Variants in ACOT11 observed in about 807,000 individuals in gnomAD.
ACOT11 encodes the protein acyl-coenzyme A thioesterase 11.
A neutral mutation model predicts 77.5 loss-of-function variants in ACOT11; 69 were observed. The observed-to-expected ratio is 0.89, with a 90% CI of 0.73 to 1.09. The LOEUF is 1.09. Ranked by LOEUF, ACOT11 falls within the 50% of genes least tolerant of loss-of-function variation. The pLI, the probability that ACOT11 is intolerant of heterozygous loss-of-function variation, is 0.00. For synonymous variants in ACOT11, 279 were observed against 313.0 expected (o/e 0.89, Z 1.15); for missense variants, 766 against 813.7 (o/e 0.94, Z 0.71).
exon 17 of ACOT11, chr1:54,636,752 T>C (rs1323898153): frequency 3.3e-5 from 5 of 152,556 alleles, no homozygotes; most frequent in African/African-American, 9.7e-5. Context: ...CCTTGGACAA[T>C]ACCTGGCTTT....
At chr1:54,575,156 T>C (rs1233806066) in intron 1 of ACOT11, among the ~76,000 whole-genome samples, 1 of 152,240 alleles carries the variant, frequency 6.6e-6, no homozygotes, top group Non-Finnish European at 1.5e-5. Flanking sequence ...AGGAAAGGGC[T>C]GTGCTCGAGC....
At chr1:54,617,792 C>T (rs567257621) in intron 15 of ACOT11, among the ~76,000 whole-genome samples, 7 of 137,372 alleles carry the variant, frequency 5.1e-5, no homozygotes, top group East Asian at 2.3e-4. Flanking sequence ...GGCGTGATCA[C>T]GGCTCACTGC....
At chr1:54,582,595 AG>A (rs1211623403) in intron 1 of ACOT11, 2 of 894,612 alleles carry the variant, frequency 2.2e-6, no homozygotes, top group Non-Finnish European at 2.7e-6. Context: ...GGGGTTGACC[AG>A]GTGAGAAGCA....
At position 54,601,319 on chromosome 1, in the gene ACOT11, A is replaced by G. The variant is rs1208900372; in HGVS notation, c.935A>G (p.His312Arg). 1.2e-6 allele frequency: 2 copies of G among 1,613,334 alleles called. No individual in the cohort carries two copies. The highest frequency in any genetic ancestry group is 1.7e-5 in the Admixed American group (1 of 59,996). Residue 312 changes from histidine (H) to arginine (R), a missense_variant, in exon 9 of 16, where the codon CAC (histidine) becomes CGC (arginine). Physicochemically the swap from His to Arg is conservative, Grantham distance 29. Coordinates refer to ENST00000343744, the MANE Select transcript of ACOT11 (RefSeq NM_147161.4). ...GCCTATCGCCAGGAGGCTGAGACCC[A>G]CCGGCGCCACATCAACAGTGCCTTT... Reference protein sequence around the residue: ...VEAYRQEAETHRRHINSAFMT... With the variant: ...VEAYRQEAETRRRHINSAFMT...
chr1:54,624,775 C>A (rs1191432334), intron 15 of ACOT11, among the ~76,000 whole-genome samples: 3 of 152,084 alleles, frequency 2.0e-5, no homozygotes, highest in Non-Finnish European at 2.9e-5. Flanking sequence ...GAGGTCAGAG[C>A]AGAGCCTGTT....
intron 9 of ACOT11, 49 bp from the exon 10 acceptor site, chr1:54,602,620 A>T: frequency 1.4e-6 from 2 of 1,456,092 alleles, no homozygotes; most frequent in South Asian, 2.9e-5. Flanking sequence ...GAGAGGGGGC[A>T]GGACGGAGGG....
chr1:54,588,598 A>C (rs992919572), intron 3 of ACOT11, among the ~76,000 whole-genome samples: 8 of 152,048 alleles, frequency 5.3e-5, no homozygotes, highest in African/African-American at 1.7e-4. Flanking sequence ...AGGGTAGTCA[A>C]GGGGGGACTT....
At position 54,623,862 on chromosome 1, in the gene ACOT11, C is replaced by G. The variant is rs143171049; in HGVS notation, c.1630-6872C>G. Among the ~76,000 whole-genome samples, 256 of 152,320 alleles carry G rather than the reference C, an allele frequency of 1.7e-3. 1 individual carries two copies. Among genetic ancestry groups the G allele is most frequent in the African/African-American group, 5.9e-3 (247 of 41,554 alleles). On this transcript the variant is annotated intron_variant, in intron 15 of 16. Transcript: ENST00000371316. ...TGATCCCGAACATTCTGTTCTTTCC[C>G]TTTCTAACTCCAGGCTTTCTGCCCT...
At chr1:54,581,553 A>G (rs1654307352) in intron 1 of ACOT11, among the ~76,000 whole-genome samples, 1 of 152,162 alleles carries the variant, frequency 6.6e-6, no homozygotes, top group Non-Finnish European at 1.5e-5. Context: ...CACAGAGCCC[A>G]TGGTGTGGCT....
chr1:54,596,679 T>C (rs1654910127), intron 6 of ACOT11, among the ~76,000 whole-genome samples: 2 of 152,144 alleles, frequency 1.3e-5, no homozygotes, highest in South Asian at 2.1e-4. Flanking sequence ...GTTCAAGTGA[T>C]TCTCGTGGCT....
chr1:54,611,681 G>A (rs200003486), downstream of ACOT11: 204 of 1,614,062 alleles, frequency 1.3e-4, no homozygotes, highest in East Asian at 1.4e-3. Context: ...GTGTTATCCC[G>A]GACGTAGAGC....
chr1:54,585,923 C>T lies in ACOT11; in HGVS notation c.311+19C>T. ...CCATTAGGTAAGTGGCCCCTCCTGC[C>T]TCAAGGTCCTCTGGGCTCCCTCCCA... On this transcript the variant is annotated intron_variant, in intron 3 of 15. Coordinates refer to ENST00000343744, the MANE Select transcript of ACOT11 (RefSeq NM_147161.4). The T allele has an allele frequency of 1.2e-6, 2 of 1,613,340 alleles. No individual in the cohort carries two copies. Among genetic ancestry groups the T allele is most frequent in the Non-Finnish European group, 1.7e-6 (2 of 1,179,540 alleles).
At chr1:54,629,753 T>C (rs142470584) in intron 15 of ACOT11, among the ~76,000 whole-genome samples, 2,661 of 132,856 alleles carry the variant, frequency 0.02, 626 homozygotes, top group Non-Finnish European at 0.035. Flanking sequence ...CCTAGCTAAT[T>C]TTTTTGTGTG....
At chr1:54,592,886 T>G (rs1460197879) in intron 4 of ACOT11, among the ~76,000 whole-genome samples, 1 of 152,152 alleles carries the variant, frequency 6.6e-6, no homozygotes, top group Non-Finnish European at 1.5e-5. Context: ...TCCAGGCCCC[T>G]GAGTCTCACA....
At chr1:54,565,694 T>C (rs1328774996) in intron 1 of ACOT11, among the ~76,000 whole-genome samples, 1 of 152,062 alleles carries the variant, frequency 6.6e-6, no homozygotes, top group Non-Finnish European at 1.5e-5. Context: ...TGAAAAGGGA[T>C]CTTTGAGCTT....
chr1:54,582,408 G>A (rs1654341888), intron 1 of ACOT11: 1 of 984,536 alleles, frequency 1.0e-6, no homozygotes, highest in Admixed American at 6.1e-5. Flanking sequence ...GGCCCAATTT[G>A]TCTTTGTATT....
chr1:54,566,532 G>A (rs1653738832), intron 1 of ACOT11, among the ~76,000 whole-genome samples: 1 of 151,564 alleles, frequency 6.6e-6, no homozygotes, highest in Non-Finnish European at 1.5e-5. Context: ...TCTAGTTACA[G>A]TGGCTGTGTA....
Position 54,601,347 on chromosome 1 carries a change from G to A in ACOT11, c.963G>A (p.Met321Ile). Reference sequence around the variant, plus strand: ...GGCGCCACATCAACAGTGCCTTTATGACCTTTGTGGTCCTGGACGCAGATG... The same window carrying A: ...GGCGCCACATCAACAGTGCCTTTATAACCTTTGTGGTCCTGGACGCAGATG... ...THRRHINSAF[M>I]TFVVLDADDQ... Residue 321 changes from methionine to isoleucine, a missense_variant, in exon 9 of 16, where the codon ATG (methionine) becomes ATA (isoleucine). By Grantham distance (10) the Met-to-Ile change is conservative. Transcript: ENST00000343744. 6.2e-7 allele frequency: 1 copy of A among 1,613,776 alleles called. No homozygotes were observed. Among genetic ancestry groups the A allele is most frequent in the Admixed American group, 1.7e-5 (1 of 60,024 alleles).
Position 54,581,505 on chromosome 1 carries a change from T to C in ACOT11, c.34-3150T>C, listed in dbSNP as rs377163573. On this transcript the variant is annotated intron_variant, in intron 1 of 15. Transcript: ENST00000343744. ...GAGGGGGTCTCTCCTGCCCTGACCC[T>C]GCAGGTCTGTGACATGACTCTGGCT... Among the ~76,000 whole-genome samples the C allele has an allele frequency of 9.2e-5, 14 of 152,260 alleles. No homozygotes were observed. The East Asian group carries it at 2.5e-3, about 27-fold the overall frequency.
Sources: gnomAD v4.1 joint callset for allele counts (sites outside exome capture counted in the v4.1 genomes callset) on GRCh38, gnomAD v4.1.1 for gene constraint, MANE v1.5 for transcripts, NCBI Gene and HGNC (gene_info 2026-07-23, HGNC 2026-07-21) for gene names.